The following KCNIP1 variants were observed in gnomAD, a reference collection of about 807,000 sequenced individuals.
KCNIP1 encodes potassium voltage-gated channel interacting protein 1, also known as A-type potassium channel modulatory protein KCNIP1.
A neutral mutation model predicts 33.0 loss-of-function variants in KCNIP1; 18 were observed. That is an observed-to-expected ratio of 0.55 (90% CI 0.38 to 0.81). The LOEUF (loss-of-function observed/expected upper bound fraction) is 0.81, where lower values mean the gene tolerates loss of function less well. Ranked by LOEUF, KCNIP1 falls within the 30% of genes least tolerant of loss-of-function variation. The pLI is 0.00. For missense variants in KCNIP1, 238 were observed against 271.6 expected (o/e 0.88, Z 0.87); for synonymous variants, 93 against 98.3 (o/e 0.95, Z 0.32).
chr5:170,473,925 G>C (rs914998399), intron 1 of KCNIP1, among the ~76,000 whole-genome samples: 22 of 152,176 alleles, frequency 1.4e-4, no homozygotes, highest in African/African-American at 5.1e-4. Context: ...GTGACACAGG[G>C]CTAGGATATG....
chr5:170,640,130 G>C (rs1005824512), intron 1 of KCNIP1, among the ~76,000 whole-genome samples: 1 of 152,220 alleles, frequency 6.6e-6, no homozygotes, highest in Admixed American at 6.5e-5. Context: ...AACAGGACTT[G>C]GTGACAGATT....
chr5:170,461,812 C>T (rs983042039), intron 1 of KCNIP1, among the ~76,000 whole-genome samples: 1 of 150,592 alleles, frequency 6.6e-6, no homozygotes, highest in African/African-American at 2.4e-5. Context: ...TAAACCCGAA[C>T]GCTTACAGCA....
intron 1 of KCNIP1, among the ~76,000 whole-genome samples, chr5:170,569,405 T>G (rs1296984966): frequency 1.3e-5 from 2 of 152,266 alleles, no homozygotes; most frequent in Non-Finnish European, 2.9e-5. Flanking sequence ...CAGACCTCAC[T>G]CTGGGCAGGC....
At chr5:170,567,610 G>A (rs1435838689) in intron 1 of KCNIP1, among the ~76,000 whole-genome samples, 1 of 152,228 alleles carries the variant, frequency 6.6e-6, no homozygotes, top group Non-Finnish European at 1.5e-5. Context: ...GGGAAGGACA[G>A]TTGAGGCTAG....
At chr5:170,689,532 C>T (rs1371623525) in intron 1 of KCNIP1, among the ~76,000 whole-genome samples, 1 of 152,150 alleles carries the variant, frequency 6.6e-6, no homozygotes, top group Non-Finnish European at 1.5e-5. Context: ...GAGATTCATG[C>T]AGAAAGCTGT....
At chr5:170,599,365 C>T (rs925114277) in intron 1 of KCNIP1, among the ~76,000 whole-genome samples, 2 of 152,142 alleles carry the variant, frequency 1.3e-5, no homozygotes, top group Admixed American at 1.3e-4. Flanking sequence ...ACTCCTCACT[C>T]CCCGAGGAAT....
Position 170,605,960 on chromosome 5 carries a change from C to T in KCNIP1, c.61+101327C>T, listed in dbSNP as rs189252556. Among the ~76,000 whole-genome samples the T allele has an allele frequency of 2.6e-5, 4 of 151,904 alleles. No homozygotes were observed. The South Asian group carries it at 6.2e-4, about 24-fold the overall frequency. The stretch of plus-strand genomic sequence containing the variant: ...TGGCTAAGTTTTGTATTTTTAGTAG[C>T]GACGGGGTTTTGCCATGTTGGCCAG... On this transcript the variant is annotated intron_variant, in intron 1 of 7. Coordinates refer to ENST00000328939, the MANE Select transcript of KCNIP1 (RefSeq NM_014592.4).
At chr5:170,733,003 G>T in intron 6 of KCNIP1, 99 bp downstream of exon 6, 1 of 683,082 alleles carries the variant, frequency 1.5e-6, no homozygotes, top group Non-Finnish European at 2.7e-6. Flanking sequence ...CCTGTACTAA[G>T]CATGGTTGGT....
chr5:170,389,970 G>A (rs1329550801), intron 1 of KCNIP1, among the ~76,000 whole-genome samples: 1 of 152,274 alleles, frequency 6.6e-6, no homozygotes, highest in East Asian at 1.9e-4. Flanking sequence ...GGGGATTTAT[G>A]GCAAGGGGAG....
chr5:170,441,453 TG>T (rs1425714595), intron 1 of KCNIP1, among the ~76,000 whole-genome samples: 1 of 152,178 alleles, frequency 6.6e-6, no homozygotes, highest in African/African-American at 2.4e-5. Context: ...GGTGCCCATG[TG>T]CCCACGTGCA....
chr5:170,706,822 C>T (rs1046609934), intron 1 of KCNIP1, among the ~76,000 whole-genome samples: 2 of 152,166 alleles, frequency 1.3e-5, no homozygotes, highest in Non-Finnish European at 2.9e-5. Flanking sequence ...GTCATTTCAG[C>T]TCCTCAGTCA....
intron 1 of KCNIP1, among the ~76,000 whole-genome samples, chr5:170,399,450 A>C (rs879916335): frequency 6.6e-6 from 1 of 152,162 alleles, no homozygotes. Context: ...CTACATGACC[A>C]CTTTGTCCTT....
At chr5:170,667,602 A>G (rs1761756066) in intron 1 of KCNIP1, among the ~76,000 whole-genome samples, 1 of 152,214 alleles carries the variant, frequency 6.6e-6, no homozygotes, top group South Asian at 2.1e-4. Flanking sequence ...GCAGTATTGC[A>G]TTGTGGTTGA....
chr5:170,667,335 T>C (rs1463325597), intron 1 of KCNIP1, among the ~76,000 whole-genome samples: 1 of 149,828 alleles, frequency 6.7e-6, no homozygotes, highest in Non-Finnish European at 1.5e-5. Flanking sequence ...AAGTAAAAAC[T>C]GTCATTATTA....
chr5:170,435,101 G>A (rs940634440), intron 1 of KCNIP1, among the ~76,000 whole-genome samples: 1 of 152,202 alleles, frequency 6.6e-6, no homozygotes, highest in African/African-American at 2.4e-5. Flanking sequence ...ATTTCCTCCT[G>A]GTAGCCTGGC....
chr5:170,431,673 C>T (rs905057721), intron 1 of KCNIP1, among the ~76,000 whole-genome samples: 2 of 152,202 alleles, frequency 1.3e-5, no homozygotes, highest in African/African-American at 4.8e-5. Context: ...GCCAAGCCCA[C>T]GGGGGCCCTG....
chr5:170,676,039 A>G (rs2113781903), intron 1 of KCNIP1, among the ~76,000 whole-genome samples: 1 of 126,884 alleles, frequency 7.9e-6, no homozygotes, highest in African/African-American at 2.6e-5. Flanking sequence ...CTAAGAAAAG[A>G]GAGAGAGCAG....
chr5:170,691,409 G>C (rs559508666), intron 1 of KCNIP1, among the ~76,000 whole-genome samples: 1 of 152,284 alleles, frequency 6.6e-6, no homozygotes, highest in South Asian at 2.1e-4. Context: ...TATCATTCTG[G>C]TCAAAGACCA....
intron 1 of KCNIP1, among the ~76,000 whole-genome samples, chr5:170,408,289 A>T (rs1755089497): frequency 6.6e-6 from 1 of 152,182 alleles, no homozygotes; most frequent in Non-Finnish European, 1.5e-5. Context: ...CTTGGCTCGT[A>T]AGAGCCTCAG....
Sources: gnomAD v4.1 joint callset for allele counts (sites outside exome capture counted in the v4.1 genomes callset) on GRCh38, gnomAD v4.1.1 for gene constraint, MANE v1.5 for transcripts, NCBI Gene and HGNC (gene_info 2026-07-23, HGNC 2026-07-21) for gene names.